Variants in FBXO38 observed in about 807,000 individuals in gnomAD.
FBXO38 encodes F-box only protein 38.
Under a neutral mutation model 131.9 loss-of-function variants are expected in FBXO38, and 53 were observed. The ratio of observed to expected loss-of-function variants is 0.40; its 90% CI spans 0.32 to 0.51. The LOEUF (loss-of-function observed/expected upper bound fraction) is 0.51. Ranked by LOEUF, FBXO38 falls within the 20% of genes least tolerant of loss-of-function variation. The pLI, the probability that FBXO38 is intolerant of heterozygous loss-of-function variation, is 0.53. For synonymous variants in FBXO38, 452 were observed against 505.6 expected (o/e 0.89, Z 1.42); for missense variants, 1,076 against 1,475.6 (o/e 0.73, Z 4.44).
At chr5:148,427,060 T>C (rs1177012029) in intron 14 of FBXO38, among the ~76,000 whole-genome samples, 153 bp from the exon 15 acceptor site, 1 of 152,218 alleles carries the variant, frequency 6.6e-6, no homozygotes, top group Non-Finnish European at 1.5e-5. Flanking sequence ...GAGAATTTTA[T>C]AGCAGCTCAG....
At chr5:148,432,762 G>A (rs1378273961) in intron 15 of FBXO38, among the ~76,000 whole-genome samples, 1 of 152,232 alleles carries the variant, frequency 6.6e-6, no homozygotes, top group Non-Finnish European at 1.5e-5. Flanking sequence ...TGAATTAAGA[G>A]AGTGTTGTTG....
chr5:148,384,513 G>T (rs1307326462), intron 1 of FBXO38, among the ~76,000 whole-genome samples: 3 of 152,154 alleles, frequency 2.0e-5, no homozygotes, highest in African/African-American at 7.2e-5. Flanking sequence ...AGTATCAGGA[G>T]CCCTGAATTC....
rs760869868 is a variant in FBXO38 at position 148,409,107 on chromosome 5, T to G, written c.869-17T>G. 2 of 1,502,076 alleles carry G rather than the reference T, an allele frequency of 1.3e-6. No homozygotes were observed. Among genetic ancestry groups the G allele is most frequent in the African/African-American group, 2.8e-5 (2 of 72,628 alleles). 93.0% of individuals were successfully genotyped at this position (1,502,076 alleles called of 1,614,324 possible). ...AAATGCTATGGTCAAACACTTGTTTTTGTTCCTCGTCTTTAGGTGGTTTTA... is the reference window on the plus strand; with the variant it reads ...AAATGCTATGGTCAAACACTTGTTTGTGTTCCTCGTCTTTAGGTGGTTTTA... On this transcript the variant is annotated splice_polypyrimidine_tract_variant and intron_variant, in intron 7 of 21. Coordinates refer to ENST00000340253, the MANE Select transcript of FBXO38 (RefSeq NM_205836.3).
At chr5:148,395,098 G>T (rs547714291) in intron 2 of FBXO38, among the ~76,000 whole-genome samples, 194 bp downstream of exon 2, 13 of 152,306 alleles carry the variant, frequency 8.5e-5, no homozygotes, top group African/African-American at 3.1e-4. Flanking sequence ...AGTGGACACG[G>T]TGTATAGGAC....
At chr5:148,438,738 A>C (rs180711434) in intron 18 of FBXO38, among the ~76,000 whole-genome samples, 1 of 152,252 alleles carries the variant, frequency 6.6e-6, no homozygotes, top group East Asian at 1.9e-4. Context: ...TGCCTGATTA[A>C]ATTTCTGGCT....
chr5:148,396,038 T>A (rs953578595), intron 2 of FBXO38, among the ~76,000 whole-genome samples: 1 of 152,172 alleles, frequency 6.6e-6, no homozygotes, highest in Admixed American at 6.5e-5. Context: ...CAATAACAGT[T>A]ATTTTAGGAG....
intron 15 of FBXO38, among the ~76,000 whole-genome samples, chr5:148,429,894 T>C (rs538439705): frequency 5.8e-4 from 88 of 152,170 alleles, no homozygotes; most frequent in African/African-American, 2.1e-3. Flanking sequence ...ATAAAGAAAA[T>C]ATCATTTATG....
chr5:148,432,922 A>G (rs1256449100), intron 15 of FBXO38, among the ~76,000 whole-genome samples: 1 of 152,212 alleles, frequency 6.6e-6, no homozygotes, highest in African/African-American at 2.4e-5. Flanking sequence ...TCAAAAAGTA[A>G]GGTCAGAAAA....
chr5:148,415,789 G>T, intron 10 of FBXO38, 139 bp from the exon 11 acceptor site: 1 of 769,994 alleles, frequency 1.3e-6, no homozygotes, highest in Non-Finnish European at 2.1e-6. Flanking sequence ...TAGAATCATC[G>T]GGTTTTAGAA....
chr5:148,432,469 C>T (rs943858756), intron 15 of FBXO38, among the ~76,000 whole-genome samples: 4 of 152,140 alleles, frequency 2.6e-5, no homozygotes, highest in Non-Finnish European at 5.9e-5. Flanking sequence ...CTCCTGGTTC[C>T]CATTTAACAC....
chr5:148,413,667 AG>A (rs1210944040), intron 9 of FBXO38: 1 of 152,636 alleles, frequency 6.6e-6, no homozygotes, highest in Non-Finnish European at 1.5e-5. Flanking sequence ...GTTACTAACC[AG>A]TGCCATGGGT....
intron 1 of FBXO38, among the ~76,000 whole-genome samples, chr5:148,392,300 A>G (rs1758236461): frequency 6.6e-6 from 1 of 152,222 alleles, no homozygotes; most frequent in African/African-American, 2.4e-5. Context: ...TCTGTGGGAA[A>G]TGAGAAATCA....
intron 3 of FBXO38, 97 bp downstream of exon 3, chr5:148,399,229 C>A (rs2113522550): frequency 7.2e-7 from 1 of 1,392,136 alleles, no homozygotes; most frequent in Non-Finnish European, 9.8e-7. Flanking sequence ...GAAAGGCAAT[C>A]TAAGTCACCT....
At chr5:148,420,802 G>GT (rs1753373418) in intron 12 of FBXO38, among the ~76,000 whole-genome samples, 1 of 151,970 alleles carries the variant, frequency 6.6e-6, no homozygotes, top group East Asian at 1.9e-4. Context: ...TTATTCGGCT[G>GT]TGTGAGGCCA....
At position 148,427,757 on chromosome 5, in the gene FBXO38, A is replaced by G. The variant is rs1444963314; in HGVS notation, c.2463A>G (p.Pro821=). The change falls in exon 15 of 22, where the codon CCA becomes CCG. Residue 821 remains proline, a synonymous_variant. Coordinates refer to ENST00000340253, the MANE Select transcript of FBXO38 (RefSeq NM_205836.3). ...CCGCCTTTTCCTTTAGGACTCTGCC[A>G]CAAGGGGGGTCTTCAGGCCCAGCAC... ...TRSAFSFRTL[P]QGGSSGPAHD... The G allele has an allele frequency of 2.5e-6, 4 of 1,612,620 alleles. No individual in the cohort carries two copies. Among genetic ancestry groups the G allele is most frequent in the East Asian group, 4.5e-5 (2 of 44,874 alleles).
chr5:148,401,745 A>C (rs1223569397), intron 3 of FBXO38, among the ~76,000 whole-genome samples: 2 of 152,148 alleles, frequency 1.3e-5, no homozygotes, highest in Non-Finnish European at 2.9e-5. Flanking sequence ...AAAACCAAAA[A>C]GTCAATAATA....
Position 148,399,130 on chromosome 5 carries a change from G to C in FBXO38, c.260G>C (p.Ser87Thr). ...CAGRWWEYMP[S>T]GFTDASFLTL... is the part of the protein sequence containing the mutation. Reference sequence around the variant, plus strand: ...GGGCGGTGGTGGGAATACATGCCAAGTGGTAAGTGGATTTAGTCTGTGAAG... The same window carrying C: ...GGGCGGTGGTGGGAATACATGCCAACTGGTAAGTGGATTTAGTCTGTGAAG... The change falls in exon 3 of 22, where the codon AGT becomes ACT. Residue 87 changes from serine to threonine, a missense_variant and splice_region_variant. By Grantham distance (58) the Ser-to-Thr change is moderately conservative. This residue lies in a region of FBXO38 where 96 missense variants were observed against 193.9 expected (regional missense o/e 0.50). Coordinates refer to ENST00000340253, the MANE Select transcript of FBXO38 (RefSeq NM_205836.3). 6.2e-7 allele frequency: 1 copy of C among 1,612,820 alleles called. No individual in the cohort carries two copies. Among genetic ancestry groups the C allele is most frequent in the Non-Finnish European group, 8.5e-7 (1 of 1,179,260 alleles).
chr5:148,438,417 G>C lies in FBXO38; in HGVS notation c.2943G>C (p.Leu981=), dbSNP rs1472487123. Residue 981 remains leucine, a synonymous_variant, in exon 18 of 22, where the codon CTG becomes CTC. Transcript: ENST00000340253. ...TTGACTATGCACAGTGCAAGAAACT[G>C]AACATGGATCAGGTACTAGACCAGA... The part of the protein sequence containing the change: ...NRFDYAQCKK[L]NMDQVLDQIL... The C allele has an allele frequency of 6.8e-6, 11 of 1,614,062 alleles. No homozygotes were observed. The highest frequency in any genetic ancestry group is 9.3e-6 in the Non-Finnish European group (11 of 1,179,940).
Position 148,439,829 on chromosome 5 carries a change from C to A in FBXO38, c.3170+37C>A, listed in dbSNP as rs748270579. 7 of 1,603,614 alleles carry A rather than the reference C, an allele frequency of 4.4e-6. No homozygotes were observed. The South Asian group carries it at 7.8e-5, about 18-fold the overall frequency. On this transcript the variant is annotated intron_variant, in intron 19 of 21. Transcript: ENST00000340253. ...TGTGGCCCTTAAAGGCCTTTTGAGT[C>A]ATTTCTCATAGCAGGGACTCCCAGA...
Sources: allele counts gnomAD v4.1 joint callset (sites outside exome capture counted in the v4.1 genomes callset), GRCh38; gene constraint gnomAD v4.1.1; regional missense constraint gnomAD v4.1.1; transcripts MANE v1.5; gene names NCBI Gene and HGNC (gene_info 2026-07-23, HGNC 2026-07-21).